CEBPZOS: variants seen among roughly 807,000 people sequenced by gnomAD.
The protein encoded by CEBPZOS is CEBPZ opposite strand, also known as protein CEBPZOS.
In CEBPZOS, 10 loss-of-function variants were observed where a neutral mutation model predicts 4.8. The ratio of observed to expected loss-of-function variants is 2.07; its 90% CI spans 1.28 to 3.52. The LOEUF (loss-of-function observed/expected upper bound fraction) is 3.52. Among genes scored for constraint, CEBPZOS ranks in the 30% most tolerant of loss-of-function variants. The pLI, the probability that CEBPZOS is intolerant of heterozygous loss-of-function variation, is 0.00. For missense variants in CEBPZOS, 98 were observed against 43.6 expected (o/e 2.25, Z -3.51); for synonymous variants, 25 against 14.2 (o/e 1.77, Z -1.72).
intron 1 of CEBPZOS, 188 bp downstream of exon 1, chr2:37,196,708 G>T (rs1341643831): frequency 1.3e-5 from 2 of 152,500 alleles, no homozygotes; most frequent in Admixed American, 6.5e-5. Flanking sequence ...GTGGTCTGGC[G>T]GCCGGGCCGT....
downstream of CEBPZOS, among the ~76,000 whole-genome samples, chr2:37,208,350 A>T (rs1257810947): frequency 1.3e-5 from 2 of 152,130 alleles, no homozygotes; most frequent in African/African-American, 4.8e-5. Flanking sequence ...ACAAAAGAAA[A>T]CTAGAGACCA....
At chr2:37,212,422 A>G in intron 4 of CEBPZOS, 1 of 1,570,320 alleles carries the variant, frequency 6.4e-7, no homozygotes, top group Non-Finnish European at 8.8e-7. Context: ...TGTGAGATAC[A>G]ACAAAGAATG....
At chr2:37,199,668 T>G (rs998159813) in intron 1 of CEBPZOS, 36 bp from the exon 2 acceptor site, 2 of 701,532 alleles carry the variant, frequency 2.9e-6, no homozygotes, top group Non-Finnish European at 5.3e-6. Context: ...TTAAGTATGT[T>G]CATTCAGGTT....
At chr2:37,205,083 CGT>C (rs1338808291), downstream of CEBPZOS, among the ~76,000 whole-genome samples, 1 of 152,062 alleles carries the variant, frequency 6.6e-6, no homozygotes, top group Admixed American at 6.5e-5. Flanking sequence ...TGGAAGATAA[CGT>C]GTTATAATTT....
At chr2:37,200,990 T>G (rs200239759) in intron 2 of CEBPZOS, 58 bp from the exon 3 acceptor site, 1 of 708,024 alleles carries the variant, frequency 1.4e-6, no homozygotes, top group South Asian at 1.5e-5. Flanking sequence ...ATTGTGGCTG[T>G]GTTAATATAA....
In CEBPZOS at chr2:37,201,673, G is replaced by A. The variant is rs1028801657; in HGVS notation, c.192G>A (p.Met64Ile). ...ACAAATCCACTGAGAAGTCTGGAAT[G>A]TATGGAATCAGAGAGCTAGATCAAA... ...VYYKSTEKSG[M>I]YGIRELDQKT... Residue 64 changes from methionine to isoleucine, a missense_variant, in exon 4 of 5, where the codon ATG (methionine) becomes ATA (isoleucine). Transcript: ENST00000402297. 2.5e-6 allele frequency: 2 copies of A among 807,264 alleles called. No individual in the cohort carries two copies. The highest frequency in any genetic ancestry group is 1.5e-5 in the South Asian group (1 of 68,644). The allele number at this position is 807,264 out of a possible 1,614,324, so 50.0% of individuals were successfully genotyped here.
intron 4 of CEBPZOS, chr2:37,210,886 C>A (rs1306214975): frequency 5.6e-6 from 3 of 540,236 alleles, no homozygotes; most frequent in Non-Finnish European, 9.1e-6. Flanking sequence ...AAAAAGAACC[C>A]CCCCCACCCC....
downstream of CEBPZOS, chr2:37,213,748 T>G: frequency 3.0e-6 from 2 of 672,624 alleles, no homozygotes; most frequent in Non-Finnish European, 2.5e-6. Flanking sequence ...GTGATTTGCA[T>G]GATATTCTTA....
In CEBPZOS at chr2:37,197,847, C is replaced by T. The variant is rs138505855; in HGVS notation, c.-2+1327C>T. ...CACCACTGCACTCCTGCCTGGGAGACAGCAAGACCCAGTCTCAAAAAAATA... is the reference window on the plus strand; with the variant it reads ...CACCACTGCACTCCTGCCTGGGAGATAGCAAGACCCAGTCTCAAAAAAATA... On this transcript the variant is annotated intron_variant, in intron 1 of 4. Coordinates refer to ENST00000402297, the MANE Select transcript of CEBPZOS (RefSeq NM_001322374.2). Among the ~76,000 whole-genome samples, 150 of 151,616 alleles carry T rather than the reference C, an allele frequency of 9.9e-4. 1 individual carries two copies. The highest frequency in any genetic ancestry group is 7.1e-3 in the Middle Eastern group (2 of 280).
Position 37,202,668 on chromosome 2 carries a change from AAAAAAAAAAAAAAAAAAAAAAAAAG to A in CEBPZOS, c.*811_*835del. ...TCAAAAAAAAAAAAAAAAAAAAAAA[AAAAAAAAAAAAAAAAAAAAAAAAAG>A]AATAAATAAAATAACGAAAATTTCC... On this transcript the variant is annotated 3_prime_UTR_variant, in exon 5 of 5. Coordinates refer to ENST00000402297, the MANE Select transcript of CEBPZOS (RefSeq NM_001322374.2). 2.7e-5 allele frequency: 3 copies of A among 112,048 alleles called. No homozygotes were observed. The highest frequency in any genetic ancestry group is 8.9e-5 in the African/African-American group (2 of 22,540). The allele number at this position is 112,048 out of a possible 1,614,324, so 6.9% of individuals were successfully genotyped here.
downstream of CEBPZOS, chr2:37,213,999 A>G: frequency 8.5e-7 from 1 of 1,182,576 alleles, no homozygotes; most frequent in South Asian, 1.6e-5. Context: ...AATTTTATTA[A>G]AGGTCTAATC....
downstream of CEBPZOS, chr2:37,208,815 A>G (rs1677622806): frequency 6.6e-6 from 1 of 152,170 alleles, no homozygotes. Context: ...AGAGAAAGAA[A>G]GGGCATTCAA....
chr2:37,203,332 G>A lies in CEBPZOS; in HGVS notation c.*1472G>A, dbSNP rs1677374092. 1 of 172,942 alleles carries A rather than the reference G, an allele frequency of 5.8e-6. No homozygotes were observed. The allele number at this position is 172,942 out of a possible 1,614,324, so 10.7% of individuals were successfully genotyped here. A position where few individuals can be genotyped will look rare whatever the true frequency, so the allele number is the denominator to read the frequency against. On this transcript the variant is annotated 3_prime_UTR_variant, in exon 5 of 5. Coordinates refer to ENST00000402297, the MANE Select transcript of CEBPZOS (RefSeq NM_001322374.2). The stretch of plus-strand genomic sequence containing the variant: ...GTAAAATTATCAGTTTGACATGGAT[G>A]GGTTTTGAAATACTTAAGACACAAC...
intron 4 of CEBPZOS, among the ~76,000 whole-genome samples, chr2:37,212,833 AT>A (rs1335364739): frequency 2.2e-5 from 3 of 138,124 alleles, no homozygotes; most frequent in African/African-American, 2.6e-5. Flanking sequence ...CCCTATCTCT[AT>A]TAAAAAAAAA....
At chr2:37,201,236 C>T in intron 3 of CEBPZOS, 144 bp downstream of exon 3, 1 of 599,398 alleles carries the variant, frequency 1.7e-6, no homozygotes, top group Non-Finnish European at 3.0e-6. Flanking sequence ...CTCATCTATT[C>T]TAGTGAGAGG....
intron 4 of CEBPZOS, chr2:37,209,915 G>A (rs1190820750): frequency 5.3e-5 from 8 of 151,952 alleles, no homozygotes. Flanking sequence ...AATCTATAAG[G>A]AACTCAAAAA....
intron 4 of CEBPZOS, chr2:37,211,272 C>T (rs139504436): frequency 1.7e-5 from 7 of 406,632 alleles, no homozygotes; most frequent in Non-Finnish European, 3.0e-5. Context: ...TGGCACAGTT[C>T]TAATATTTTG....
intron 4 of CEBPZOS, chr2:37,212,286 A>G (rs1009997517): frequency 1.3e-6 from 2 of 1,529,528 alleles, no homozygotes; most frequent in Non-Finnish European, 1.8e-6. Flanking sequence ...AGGGACAACA[A>G]TTTGGGAAAT....
At chr2:37,199,268 T>G (rs1201929616) in intron 1 of CEBPZOS, among the ~76,000 whole-genome samples, 1 of 152,160 alleles carries the variant, frequency 6.6e-6, no homozygotes, top group Non-Finnish European at 1.5e-5. Context: ...CTCCAGCCCT[T>G]TAGAAAGTGT....
Sources: gnomAD v4.1 joint callset for allele counts (sites outside exome capture counted in the v4.1 genomes callset) on GRCh38, gnomAD v4.1.1 for gene constraint, MANE v1.5 for transcripts, NCBI Gene and HGNC (gene_info 2026-07-23, HGNC 2026-07-21) for gene names.